MAGED1: variants seen among roughly 807,000 people sequenced by gnomAD.
MAGED1 encodes MAGE family member D1.
MAGED1 carries 3 observed loss-of-function variants against 54.1 expected under a neutral mutation model. That is an observed-to-expected ratio of 0.06 (90% CI 0.03 to 0.14). MAGED1 has a LOEUF of 0.14. Among genes scored for constraint, MAGED1 ranks in the 10% least tolerant of loss-of-function variants. The pLI, the probability that MAGED1 is intolerant of heterozygous loss-of-function variation, is 1.00. For synonymous variants in MAGED1, 217 were observed against 227.3 expected (o/e 0.95, Z 0.41); for missense variants, 485 against 623.4 (o/e 0.78, Z 2.36).
chrX:51,891,119 G>A (rs1197897420), upstream of MAGED1, among the ~76,000 whole-genome samples: 1 of 111,862 alleles, frequency 8.9e-6, no homozygotes, highest in African/African-American at 3.2e-5. Flanking sequence ...TGTCAAATAA[G>A]ATAATTCAGA....
intron 1 of MAGED1, among the ~76,000 whole-genome samples, chrX:51,874,966 AAC>A (rs1356220049): frequency 9.0e-6 from 1 of 111,008 alleles, no homozygotes; most frequent in Admixed American, 9.6e-5. Flanking sequence ...CTTCTTTGGA[AAC>A]AGTTAGATCT....
At position 51,895,420 on chromosome X, in the gene MAGED1, C is replaced by T; in HGVS notation, c.413C>T (p.Ala138Val). The change falls in exon 3 of 13, where the codon GCT becomes GTT. Residue 138 changes from alanine to valine, a missense_variant. Physicochemically the swap from Ala to Val is moderately conservative, Grantham distance 64 (BLOSUM62 0). This residue lies in a region of MAGED1 where 299 missense variants were observed against 293.1 expected (regional missense o/e 1.02). Transcript: ENST00000326587. Reference protein sequence around the residue: ...FSQAATTGELAANKSEMAFKA... With the variant: ...FSQAATTGELVANKSEMAFKA... ...CAGGCAGCAACCACTGGTGAGTTAG[C>T]TGCTAACAAGTCTGAGATGGCCTTC... 1 of 1,206,999 alleles carries T rather than the reference C, an allele frequency of 8.3e-7. No homozygotes were observed. The highest frequency in any genetic ancestry group is 1.1e-6 in the Non-Finnish European group (1 of 892,835).
intron 1 of MAGED1, among the ~76,000 whole-genome samples, chrX:51,841,273 G>A (rs1472995056): frequency 3.6e-5 from 4 of 110,793 alleles, no homozygotes; most frequent in African/African-American, 9.8e-5. Flanking sequence ...CCCACTTTTT[G>A]ATGGGGTTGT....
In MAGED1 at chrX:51,901,538, T is replaced by C. The variant is rs182371457; in HGVS notation, c.1960-15T>C. Reference sequence around the variant, plus strand: ...TGTAAATGGATTTTGTTTTGTTTTCTATTCCTCATCTCAGGTTCAGAAAAG... The same window carrying C: ...TGTAAATGGATTTTGTTTTGTTTTCCATTCCTCATCTCAGGTTCAGAAAAG... On this transcript the variant is annotated splice_polypyrimidine_tract_variant and intron_variant, in intron 11 of 12. Coordinates refer to ENST00000326587, the MANE Select transcript of MAGED1 (RefSeq NM_006986.4). 56 of 1,138,799 alleles carry C rather than the reference T, an allele frequency of 4.9e-5. No individual in the cohort carries two copies. The African/African-American group carries it at 5.5e-4, about 11-fold the overall frequency. The allele number at this position is 1,138,799 out of a possible 1,213,427, so 93.8% of individuals were successfully genotyped here.
At chrX:51,894,607 C>G (rs1928617688) in intron 2 of MAGED1, 1 of 1,164,054 alleles carries the variant, frequency 8.6e-7, no homozygotes, top group African/African-American at 1.8e-5. Context: ...GGGTAAGGAA[C>G]CATTTTTTTT....
intron 1 of MAGED1, among the ~76,000 whole-genome samples, chrX:51,804,246 T>C (rs149123978): frequency 0.13 from 14,602 of 111,477 alleles, 811 homozygotes; most frequent in Non-Finnish European, 0.18. Flanking sequence ...TTCCAGGCTC[T>C]ATCAGGATCT....
intron 1 of MAGED1, among the ~76,000 whole-genome samples, chrX:51,881,501 C>T (rs964090793): frequency 7.3e-5 from 8 of 109,670 alleles, no homozygotes; most frequent in Non-Finnish European, 1.1e-4. Context: ...CTGCAACCTC[C>T]GCCTCCTGGG....
Position 51,894,282 on chromosome X carries a change from C to A in MAGED1, c.-23C>A, listed in dbSNP as rs1557363855. 8.4e-7 allele frequency: 1 copy of A among 1,190,246 alleles called. No individual in the cohort carries two copies. The highest frequency in any genetic ancestry group is 2.2e-5 in the Admixed American group (1 of 44,654). On this transcript the variant is annotated 5_prime_UTR_variant, in exon 2 of 13. Transcript: ENST00000326587. Reference sequence around the variant, plus strand: ...CCTCTCCCACAGCCCCCAGGCTCCGCTCTTGCCAGAGGGACAGGAGCCATG... The same window carrying A: ...CCTCTCCCACAGCCCCCAGGCTCCGATCTTGCCAGAGGGACAGGAGCCATG...
intron 1 of MAGED1, among the ~76,000 whole-genome samples, chrX:51,867,391 G>A (rs1927495120): frequency 1.8e-5 from 2 of 111,877 alleles, no homozygotes; most frequent in South Asian, 3.8e-4. Context: ...ATAGGCTATC[G>A]GCAAGCTGAG....
At chrX:51,873,058 AT>A (rs1421558783) in intron 1 of MAGED1, among the ~76,000 whole-genome samples, 47 of 108,871 alleles carry the variant, frequency 4.3e-4, no homozygotes, top group African/African-American at 1.6e-3. Context: ...AAAAAAAAAA[AT>A]AAATAAAAAA....
upstream of MAGED1, among the ~76,000 whole-genome samples, chrX:51,891,558 T>C (rs1286350128): frequency 8.9e-6 from 1 of 112,751 alleles, no homozygotes; most frequent in Non-Finnish European, 1.9e-5. Context: ...TTAACAAATA[T>C]TTATTGAGGA....
rs187608453 is a variant in MAGED1, at chrX:51,895,669, C to G, written c.662C>G (p.Pro221Arg). ...DIETDPGISE[P>R]DGATAQTSAD... ...GAGACCGACCCAGGTATCTCTGAAC[C>G]TGACGGTGCAACTGCACAGACATCA... Residue 221 changes from proline (P) to arginine (R), a missense_variant, in exon 3 of 13, where the codon CCT (proline) becomes CGT (arginine). Transcript: ENST00000326587. 7.5e-5 allele frequency: 91 copies of G among 1,205,631 alleles called. No homozygotes were observed. In the African/African-American group the frequency reaches 1.3e-3, roughly 17 times the overall value.
At chrX:51,848,646 A>T (rs1926770934) in intron 1 of MAGED1, among the ~76,000 whole-genome samples, 1 of 111,807 alleles carries the variant, frequency 8.9e-6, no homozygotes, top group African/African-American at 3.3e-5. Context: ...ATCTGATCAT[A>T]ATGGTACTGT....
chrX:51,898,500 C>A, intron 9 of MAGED1, 81 bp from the exon 10 acceptor site: 1 of 1,011,481 alleles, frequency 9.9e-7, no homozygotes, highest in Non-Finnish European at 1.4e-6. Context: ...TGCCTCTTTT[C>A]TCATCTCTGA....
Position 51,849,184 on chromosome X carries a change from T to C in MAGED1, c.-36-45085T>C, listed in dbSNP as rs189445719. Among the ~76,000 whole-genome samples, 80 of 111,462 alleles carry C rather than the reference T, an allele frequency of 7.2e-4. 1 individual carries two copies. Among genetic ancestry groups the C allele is most frequent in the Admixed American group, 2.2e-3 (23 of 10,472 alleles). ...TCCAGGACTATTAATTATTCTGTTA[T>C]TTCTGCACAGATTTATAATGTTATC... On this transcript the variant is annotated intron_variant, in intron 1 of 12. Transcript: ENST00000375772.
At chrX:51,833,316 A>G (rs913066152) in intron 1 of MAGED1, among the ~76,000 whole-genome samples, 1 of 109,959 alleles carries the variant, frequency 9.1e-6, no homozygotes, top group East Asian at 2.8e-4. Flanking sequence ...AAGTCAGTCA[A>G]CCAGTCTCTC....
At chrX:51,888,388 C>A (rs1351908406) in intron 1 of MAGED1, among the ~76,000 whole-genome samples, 1 of 111,696 alleles carries the variant, frequency 9.0e-6, no homozygotes, top group African/African-American at 3.3e-5. Flanking sequence ...TGTTCAACAT[C>A]ATTAGCCATT....
chrX:51,857,723 G>T (rs782618263), intron 1 of MAGED1: 1 of 112,457 alleles, frequency 8.9e-6, no homozygotes, highest in African/African-American at 3.2e-5. Context: ...TTCATCATCT[G>T]CAGATTCATA....
intron 1 of MAGED1, among the ~76,000 whole-genome samples, chrX:51,809,724 C>T (rs1471504089): frequency 9.0e-6 from 1 of 110,553 alleles, no homozygotes; most frequent in African/African-American, 3.3e-5. Flanking sequence ...GGGTGTTTGT[C>T]GGGCTGATCT....
Sources: gnomAD v4.1 joint callset for allele counts (sites outside exome capture counted in the v4.1 genomes callset) on GRCh38, gnomAD v4.1.1 for gene constraint, gnomAD v4.1.1 regional missense constraint, MANE v1.5 for transcripts, NCBI Gene and HGNC (gene_info 2026-07-23, HGNC 2026-07-21) for gene names.